The following ABCC1 variants were observed in gnomAD, a reference collection of about 807,000 sequenced individuals.
ABCC1 encodes ATP binding cassette subfamily C member 1 (ABCC1 blood group), also known as multidrug resistance-associated protein 1.
In ABCC1, 83 loss-of-function variants were observed where a neutral mutation model predicts 172.9. The ratio of observed to expected loss-of-function variants is 0.48; its 90% CI spans 0.40 to 0.58. The LOEUF is 0.58. Among genes scored for constraint, ABCC1 ranks in the 20% least tolerant of loss-of-function variants. The pLI, the probability that ABCC1 is intolerant of heterozygous loss-of-function variation, is 0.00. For missense variants in ABCC1, 1,817 were observed against 2,002.7 expected (o/e 0.91, Z 1.77); for synonymous variants, 937 against 825.2 (o/e 1.14, Z -2.32).
chr16:15,965,456 T>G (rs2046222693), intron 1 of ABCC1, among the ~76,000 whole-genome samples: 3 of 151,878 alleles, frequency 2.0e-5, no homozygotes, highest in Non-Finnish European at 4.4e-5. Flanking sequence ...CACGCCTGGC[T>G]AATTTTTTTG....
chr16:15,987,383 C>T (rs9940699), intron 1 of ABCC1, among the ~76,000 whole-genome samples: 8 of 152,132 alleles, frequency 5.3e-5, no homozygotes, highest in South Asian at 4.1e-4. Context: ...ATCTGCCTGA[C>T]GAGGGGTGTG....
intron 1 of ABCC1, among the ~76,000 whole-genome samples, chr16:15,983,793 TGATTC>T (rs895040604): frequency 2.3e-4 from 10 of 43,738 alleles, no homozygotes; most frequent in Admixed American, 5.3e-4. Context: ...TGACCTCAAG[TGATTC>T]GCCTGCCTCA....
At chr16:15,986,322 C>T (rs2046743337) in intron 1 of ABCC1, among the ~76,000 whole-genome samples, 2 of 152,172 alleles carry the variant, frequency 1.3e-5, no homozygotes, top group Non-Finnish European at 2.9e-5. Flanking sequence ...CCTGGATCAT[C>T]TAGGACAGGG....
intron 1 of ABCC1, among the ~76,000 whole-genome samples, chr16:15,982,584 G>C (rs1301288719): frequency 6.7e-6 from 1 of 150,232 alleles, no homozygotes; most frequent in Non-Finnish European, 1.5e-5. Flanking sequence ...AGGATTATGG[G>C]AACTGCAGTT....
At chr16:15,992,706 C>T (rs1411592526) in intron 1 of ABCC1, among the ~76,000 whole-genome samples, 1 of 152,152 alleles carries the variant, frequency 6.6e-6, no homozygotes, top group African/African-American at 2.4e-5. Context: ...TGGCCAGGGA[C>T]CACTGTCTTA....
chr16:15,973,662 A>G (rs770405989), intron 1 of ABCC1, among the ~76,000 whole-genome samples: 54 of 152,034 alleles, frequency 3.6e-4, no homozygotes, highest in Admixed American at 1.8e-3. Flanking sequence ...GATCTCCAGC[A>G]ATCGTGTGAT....
At chr16:16,056,496 G>T (rs775967059) in intron 12 of ABCC1, 29 of 607,282 alleles carry the variant, frequency 4.8e-5, no homozygotes, top group Non-Finnish European at 7.8e-5. Context: ...GTGAAACCCA[G>T]TCTCTACTAA....
chr16:15,951,696 T>C (rs187048221), intron 1 of ABCC1, among the ~76,000 whole-genome samples: 1 of 151,830 alleles, frequency 6.6e-6, no homozygotes, highest in Admixed American at 6.6e-5. Flanking sequence ...TTTTTTTTTC[T>C]TTTTCTTTTT....
chr16:15,978,365 C>G (rs1040992472), intron 1 of ABCC1, among the ~76,000 whole-genome samples: 1 of 151,462 alleles, frequency 6.6e-6, no homozygotes, highest in African/African-American at 2.4e-5. Flanking sequence ...GAAACCCCAT[C>G]TCAAACAAAC....
chr16:16,106,436 G>A (rs1457679722), intron 20 of ABCC1: 3 of 156,670 alleles, frequency 1.9e-5, no homozygotes, highest in South Asian at 2.2e-4. Flanking sequence ...AAAAAAGCAC[G>A]CACTTTTTAT....
At chr16:16,140,662 G>T (rs1266054314) in intron 30 of ABCC1, among the ~76,000 whole-genome samples, 1 of 152,218 alleles carries the variant, frequency 6.6e-6, no homozygotes, top group Non-Finnish European at 1.5e-5. Flanking sequence ...ACAGGCCACA[G>T]ATCTGGCCCC....
intron 1 of ABCC1, among the ~76,000 whole-genome samples, chr16:15,972,480 C>T (rs1265744749): frequency 1.3e-5 from 2 of 152,056 alleles, no homozygotes; most frequent in African/African-American, 2.4e-5. Flanking sequence ...TCCTCAAGGC[C>T]CCTAAATGGC....
At chr16:16,138,341 C>T (rs762102784) in intron 29 of ABCC1, 23 bp from the exon 30 acceptor site, 4 of 1,556,626 alleles carry the variant, frequency 2.6e-6, no homozygotes, top group Non-Finnish European at 3.5e-6. Context: ...ACACTATCTC[C>T]TGGTTTTTTT....
chr16:16,045,608 C>T (rs866445535), intron 8 of ABCC1, among the ~76,000 whole-genome samples: 5 of 151,994 alleles, frequency 3.3e-5, no homozygotes, highest in African/African-American at 7.2e-5. Flanking sequence ...TGAGATATAG[C>T]TAGAGCAATT....
chr16:16,120,948 C>T (rs1377181765), intron 23 of ABCC1, among the ~76,000 whole-genome samples: 1 of 152,150 alleles, frequency 6.6e-6, no homozygotes, highest in East Asian at 1.9e-4. Context: ...TAACAATAGT[C>T]ACCAGCTAAC....
chr16:16,128,114 C>T (rs1162286165), intron 26 of ABCC1, among the ~76,000 whole-genome samples: 1 of 151,524 alleles, frequency 6.6e-6, no homozygotes, highest in Non-Finnish European at 1.5e-5. Context: ...TTATAATAGC[C>T]TCATTGACAT....
At chr16:16,032,614 C>G (rs2048596933) in intron 5 of ABCC1, among the ~76,000 whole-genome samples, 1 of 152,146 alleles carries the variant, frequency 6.6e-6, no homozygotes, top group South Asian at 2.1e-4. Context: ...TATATAAGCT[C>G]TTGGTAGAGT....
chr16:15,991,067 G>C (rs1457927141), intron 1 of ABCC1, among the ~76,000 whole-genome samples: 1 of 152,078 alleles, frequency 6.6e-6, no homozygotes, highest in Non-Finnish European at 1.5e-5. Flanking sequence ...TCTCCATCTT[G>C]GTTGCTGTGA....
At chr16:16,108,876 G>A (rs1420567086) in intron 21 of ABCC1, among the ~76,000 whole-genome samples, 3 of 151,922 alleles carry the variant, frequency 2.0e-5, no homozygotes, top group Admixed American at 1.3e-4. Context: ...ACAGATGTGA[G>A]CCACCACACC....
Sources: allele counts gnomAD v4.1 joint callset (sites outside exome capture counted in the v4.1 genomes callset), GRCh38; gene constraint gnomAD v4.1.1; transcripts MANE v1.5; gene names NCBI Gene and HGNC (gene_info 2026-07-23, HGNC 2026-07-21).